Variants in SLC75A1 observed in about 807,000 individuals in gnomAD.
The protein encoded by SLC75A1 is major facilitator superfamily domain containing 10.
At chr4:2,931,822 C>A in the SLC75A1 span, 1 of 1,595,834 alleles carries the variant, frequency 6.3e-7, no homozygotes, top group Non-Finnish European at 8.5e-7. Flanking sequence ...GATGGGGACC[C>A]ACCTACTGAA....
At chr4:2,933,954 G>T in the SLC75A1 span, 1 of 1,541,184 alleles carries the variant, frequency 6.5e-7, no homozygotes, top group East Asian at 2.4e-5. Context: ...CCTGGGTGGG[G>T]TGCGGCGGGT....
At chr4:2,933,221 AT>A in the SLC75A1 span, 1 of 1,611,852 alleles carries the variant, frequency 6.2e-7, no homozygotes, top group Non-Finnish European at 8.5e-7. Flanking sequence ...TGAGAGACAG[AT>A]GTCACCATCA....
chr4:2,933,906 AC>A, the SLC75A1 span: 12 of 1,567,192 alleles, frequency 7.7e-6, no homozygotes, highest in Non-Finnish European at 9.5e-6. Flanking sequence ...TGCAGCCTCC[AC>A]CCCCTCCCCA....
chr4:2,932,284 C>A, the SLC75A1 span: 33 of 1,564,810 alleles, frequency 2.1e-5, no homozygotes, highest in Admixed American at 2.9e-4. Context: ...CACACAGGGG[C>A]ACTTTACATC....
At chr4:2,934,760 G>T in the SLC75A1 span, 1 of 101,318 alleles carries the variant, frequency 9.9e-6, no homozygotes, top group African/African-American at 3.7e-5. Flanking sequence ...CCCCGGTCCC[G>T]CCCCGCACCT....
At chr4:2,932,830 C>A in the SLC75A1 span, 1 of 1,493,368 alleles carries the variant, frequency 6.7e-7, no homozygotes, top group Non-Finnish European at 8.9e-7. Context: ...TAGGGCTTGG[C>A]AACCCAGACA....
chr4:2,932,526 C>A, the SLC75A1 span: 10 of 1,613,244 alleles, frequency 6.2e-6, no homozygotes, highest in East Asian at 2.2e-4. Context: ...GGGAAAAGAC[C>A]ACCCGAGCTG....
the SLC75A1 span, chr4:2,932,093 G>A: frequency 6.2e-7 from 1 of 1,610,978 alleles, no homozygotes; most frequent in Non-Finnish European, 8.5e-7. Context: ...GAGAAGCGCA[G>A]CAGGGCCAGG....
the SLC75A1 span, chr4:2,932,670 T>C: frequency 1.2e-6 from 2 of 1,611,404 alleles, no homozygotes; most frequent in Non-Finnish European, 1.7e-6. Context: ...GACGTTCCCT[T>C]TGCTGATGCC....
the SLC75A1 span, chr4:2,931,813 ATGGGGACCCACCTACTGAACTGGAAGCGC>A: frequency 6.3e-7 from 1 of 1,588,408 alleles, no homozygotes; most frequent in Non-Finnish European, 8.6e-7. Flanking sequence ...CCGTCGCCAG[ATGGGGACCCACCTACTGAACTGGAAGCGC>A]TGGTGTGTGA....
At chr4:2,932,050 C>A in the SLC75A1 span, 1 of 1,611,028 alleles carries the variant, frequency 6.2e-7, no homozygotes, top group South Asian at 1.1e-5. Context: ...CTTACTGTCT[C>A]CAGAGGGTGG....
chr4:2,933,473 C>A, the SLC75A1 span: 1 of 1,380,266 alleles, frequency 7.2e-7, no homozygotes. Flanking sequence ...AGTGGGAAGG[C>A]AAGGACCGAG....
chr4:2,932,153 C>T, the SLC75A1 span: 12 of 1,603,766 alleles, frequency 7.5e-6, no homozygotes, highest in East Asian at 2.5e-4. Flanking sequence ...ATAGAGGGCG[C>T]CTGTGGGGAT....
chr4:2,931,168 G>A, the SLC75A1 span: 1 of 1,557,980 alleles, frequency 6.4e-7, no homozygotes, highest in Non-Finnish European at 8.7e-7. Context: ...AAGAGGCACA[G>A]TCAGGCACCA....
At chr4:2,934,569 C>A in the SLC75A1 span, 3 of 99,172 alleles carry the variant, frequency 3.0e-5, no homozygotes, top group African/African-American at 1.2e-4. Flanking sequence ...CGCCTCCCAC[C>A]GCCCCCACCC....
chr4:2,933,325 C>CT, the SLC75A1 span: 18 of 1,097,506 alleles, frequency 1.6e-5, no homozygotes, highest in South Asian at 2.6e-4. Flanking sequence ...GGGCCCTACA[C>CT]TCACAGGCCA....
chr4:2,931,322 A>G, the SLC75A1 span: 1 of 1,545,606 alleles, frequency 6.5e-7, no homozygotes. Flanking sequence ...GGGAGGGTGC[A>G]TCACCCAGCC....
At chr4:2,931,648 C>A in the SLC75A1 span, 6 of 1,613,454 alleles carry the variant, frequency 3.7e-6, no homozygotes, top group Non-Finnish European at 5.1e-6. Flanking sequence ...GGAAAAACAT[C>A]TTCCCCTGCT....
the SLC75A1 span, chr4:2,931,728 G>A: frequency 1.3e-6 from 2 of 1,554,498 alleles, no homozygotes; most frequent in South Asian, 1.1e-5. Flanking sequence ...GCCAGGGCGA[G>A]AGTGGCTGCC....
Sources: gnomAD v4.1 joint callset for allele counts on GRCh38, gnomAD v4.1.1 for gene constraint, MANE v1.5 for transcripts, NCBI Gene and HGNC (gene_info 2026-07-23, HGNC 2026-07-21) for gene names.